The following VEGFB variants were observed in gnomAD, a reference collection of about 807,000 sequenced individuals.
VEGFB encodes the protein vascular endothelial growth factor B.
VEGFB carries 24 observed loss-of-function variants against 22.5 expected under a neutral mutation model. The observed-to-expected ratio is 1.07, with a 90% CI of 0.77 to 1.50. The LOEUF (loss-of-function observed/expected upper bound fraction) is 1.50. Among genes scored for constraint, VEGFB ranks in the 40% most tolerant of loss-of-function variants. VEGFB has a pLI of 0.00. For synonymous variants in VEGFB, 141 were observed against 117.4 expected (o/e 1.20, Z -1.30); for missense variants, 327 against 287.8 (o/e 1.14, Z -0.99).
intron 4 of VEGFB, 145 bp downstream of exon 4, chr11:64,236,472 T>G: frequency 4.1e-6 from 3 of 725,022 alleles, no homozygotes; most frequent in South Asian, 1.7e-5. Flanking sequence ...TCCCAGCACT[T>G]TGGGAGGCCG....
chr11:64,238,451 T>C lies in VEGFB; in HGVS notation c.*118T>C. ...CCCAGTGGGGGAACAAAGAGGAGCC[T>C]GGTAAAAAACAGCCAAGCCCCCAAG... On this transcript the variant is annotated 3_prime_UTR_variant, in exon 7 of 7. Transcript: ENST00000309422. 1 of 1,530,636 alleles carries C rather than the reference T, an allele frequency of 6.5e-7. No homozygotes were observed. The highest frequency in any genetic ancestry group is 1.4e-5 in the African/African-American group (1 of 72,998). 94.8% of individuals were successfully genotyped at this position (1,530,636 alleles called of 1,614,324 possible). A position where few individuals can be genotyped will look rare whatever the true frequency, so the allele number is the denominator to read the frequency against.
intron 4 of VEGFB, 61 bp from the exon 5 acceptor site, chr11:64,237,126 G>GAGAGAGAGGAGATATATA: frequency 1.4e-6 from 1 of 717,060 alleles, no homozygotes; most frequent in East Asian, 5.9e-5. Context: ...AGAGAGAGTA[G>GAGAGAGAGGAGATATATA]GATGCTGGGA....
In VEGFB at chr11:64,234,857, G is replaced by GCTGCTCGCCGCACTC. The variant is rs1208412384; in HGVS notation, c.29_43dup (p.Leu10_Leu14dup). On this transcript the variant is annotated inframe_insertion, in exon 1 of 7. Coordinates refer to ENST00000309422, the MANE Select transcript of VEGFB (RefSeq NM_003377.5). The surrounding 1 kb of genome is among the most constrained non-coding windows in gnomAD (Gnocchi z 5.3). ...CCATGAGCCCTCTGCTCCGCCGCCTGCTGCTCGCCGCACTCCTGCAGCTGG... is the reference window on the plus strand; with the variant it reads ...CCATGAGCCCTCTGCTCCGCCGCCTGCTGCTCGCCGCACTCCTGCTCGCCGCACTCCTGCAGCTGG... 1.6e-6 allele frequency: 2 copies of GCTGCTCGCCGCACTC among 1,289,684 alleles called. No individual in the cohort carries two copies. The highest frequency in any genetic ancestry group is 4.5e-5 in the South Asian group (2 of 43,974). The allele number at this position is 1,289,684 out of a possible 1,614,324, so 79.9% of individuals were successfully genotyped here.
At chr11:64,237,791 A>G (rs1473348465) in intron 6 of VEGFB, 136 bp downstream of exon 6, 3 of 830,524 alleles carry the variant, frequency 3.6e-6, no homozygotes, top group Non-Finnish European at 5.4e-6. Context: ...AATATTTACC[A>G]AACAGCTGCT....
At chr11:64,235,437 C>A (rs2029937825) in intron 1 of VEGFB, 21 bp from the exon 2 acceptor site, 1 of 1,613,390 alleles carries the variant, frequency 6.2e-7, no homozygotes, top group East Asian at 2.2e-5. Context: ...ACCTTGGGTA[C>A]AGGTCTTTTC....
intron 4 of VEGFB, among the ~76,000 whole-genome samples, chr11:64,236,928 CA>C (rs1287273192): frequency 1.4e-5 from 2 of 144,890 alleles, no homozygotes; most frequent in African/African-American, 5.0e-5. Flanking sequence ...AAAAAAAATA[CA>C]AAAATTAGCC....
At chr11:64,237,752 G>A (rs1430959254) in intron 6 of VEGFB, 97 bp downstream of exon 6, 1 of 1,158,256 alleles carries the variant, frequency 8.6e-7, no homozygotes, top group Non-Finnish European at 1.2e-6. Flanking sequence ...GAGGGCCAGG[G>A]AAGGGGAAAC....
Position 64,235,866 on chromosome 11 carries a change from G to A in VEGFB, c.157G>A (p.Val53Met). Residue 53 changes from valine (V) to methionine (M), a missense_variant, in exon 3 of 7, where the codon GTG (valine) becomes ATG (methionine). Transcript: ENST00000309422. ...TRATCQPREV[V>M]VPLTVELMGT... ...CGCTACCTGCCAGCCCCGGGAGGTG[G>A]TGGTGCCCTTGACTGTGGAGCTCAT... 1 of 1,614,012 alleles carries A rather than the reference G, an allele frequency of 6.2e-7. No homozygotes were observed. Among genetic ancestry groups the A allele is most frequent in the South Asian group, 1.1e-5 (1 of 91,088 alleles).
Position 64,237,424 on chromosome 11 carries a change from G to A in VEGFB, c.415G>A (p.Ala139Thr). The change falls in exon 6 of 7, where the codon GCC (alanine) becomes ACC (threonine). Residue 139 changes from alanine (A) to threonine (T), a missense_variant. Ala to Thr is a moderately conservative substitution (Grantham distance 58). Coordinates refer to ENST00000309422, the MANE Select transcript of VEGFB (RefSeq NM_003377.5). Reference protein sequence around the residue: ...KDSAVKPDRAATPHHRPQPRS... With the variant: ...KDSAVKPDRATTPHHRPQPRS... ...CATGTCGCTTCTCCTCCCTAGGGCT[G>A]CCACTCCCCACCACCGTCCCCAGCC... is the stretch of plus-strand genomic sequence containing the variant. 3 of 1,589,202 alleles carry A rather than the reference G, an allele frequency of 1.9e-6. No homozygotes were observed. The highest frequency in any genetic ancestry group is 1.7e-4 in the Middle Eastern group (1 of 5,982).
chr11:64,238,135 G>A (rs2030236881), intron 6 of VEGFB, among the ~76,000 whole-genome samples: 1 of 152,192 alleles, frequency 6.6e-6, no homozygotes, highest in African/African-American at 2.4e-5. Flanking sequence ...AGGCCATGGG[G>A]TGAAATCATA....
At chr11:64,236,905 C>T (rs565888604) in intron 4 of VEGFB, among the ~76,000 whole-genome samples, 128 of 147,520 alleles carry the variant, frequency 8.7e-4, no homozygotes, top group Admixed American at 4.8e-3. Flanking sequence ...ATGGTGAAAC[C>T]CCATCTCTAC....
At position 64,239,029 on chromosome 11, in the gene VEGFB, CTTCACCAGGG is replaced by C; in HGVS notation, c.*700_*709del. Among the ~76,000 whole-genome samples the C allele has an allele frequency of 6.6e-6, 1 of 152,230 alleles. No individual in the cohort carries two copies. The highest frequency in any genetic ancestry group is 1.5e-5 in the Non-Finnish European group (1 of 68,044). ...AATACAGACTGCCTGCCCTCCTGCT[CTTCACCAGGG>C]TTCTTTTCTAGAAGGAGACAGCCTT... On this transcript the variant is annotated 3_prime_UTR_variant, in exon 7 of 7. Transcript: ENST00000309422.
Position 64,237,416 on chromosome 11 carries a change from C to G in VEGFB, c.411-4C>G. On this transcript the variant is annotated splice_region_variant and splice_polypyrimidine_tract_variant and intron_variant, in intron 5 of 6. Coordinates refer to ENST00000309422, the MANE Select transcript of VEGFB (RefSeq NM_003377.5). ...ACCCCAGACATGTCGCTTCTCCTCC[C>G]TAGGGCTGCCACTCCCCACCACCGT... The G allele has an allele frequency of 1.3e-6, 2 of 1,587,138 alleles. No individual in the cohort carries two copies. The highest frequency in any genetic ancestry group is 1.3e-5 in the African/African-American group (1 of 74,490).
intron 6 of VEGFB, among the ~76,000 whole-genome samples, 189 bp from the exon 7 acceptor site, chr11:64,238,167 C>T (rs920442037): frequency 2.6e-5 from 4 of 152,122 alleles, no homozygotes; most frequent in African/African-American, 9.7e-5. Context: ...AGTGGGGGCT[C>T]CCGAGGAGTG....
Position 64,237,126 on chromosome 11 carries a change from G to GAGAGAGAGAGAGAGAGAGAGAGA in VEGFB, c.375-61_375-60insAGAGAGAGAGAGAGAGAGAGAGA. On this transcript the variant is annotated intron_variant, in intron 4 of 6. Coordinates refer to ENST00000309422, the MANE Select transcript of VEGFB (RefSeq NM_003377.5). ...GAGAGAGAGAGAGAGAGAGAGAGTA[G>GAGAGAGAGAGAGAGAGAGAGAGA]GATGCTGGGATTTCCTGATCTTCCT... 21 of 717,552 alleles carry GAGAGAGAGAGAGAGAGAGAGAGA rather than the reference G, an allele frequency of 2.9e-5. 6 individuals carry two copies. The East Asian group carries it at 4.1e-4, about 14-fold the overall frequency. The allele number at this position is 717,552 out of a possible 1,614,324, so 44.4% of individuals were successfully genotyped here. A position where few individuals can be genotyped will look rare whatever the true frequency, so the allele number is the denominator to read the frequency against.
chr11:64,235,282 C>T (rs2029899979), intron 1 of VEGFB, among the ~76,000 whole-genome samples, 176 bp from the exon 2 acceptor site: 2 of 152,198 alleles, frequency 1.3e-5, no homozygotes, highest in South Asian at 4.1e-4. Flanking sequence ...GGGCAGGTCC[C>T]GGGTGGCCAG....
intron 1 of VEGFB, among the ~76,000 whole-genome samples, chr11:64,235,094 C>CCTCCG (rs761303770): frequency 7.9e-4 from 120 of 152,178 alleles, no homozygotes; most frequent in Admixed American, 1.6e-3. Flanking sequence ...TGGGGCCACT[C>CCTCCG]CTCCGCCCCA....
intron 2 of VEGFB, 24 bp downstream of exon 2, chr11:64,235,524 C>G: frequency 6.2e-7 from 1 of 1,612,558 alleles, no homozygotes; most frequent in South Asian, 1.1e-5. Flanking sequence ...AAACTCGGCA[C>G]TAGCCAGCAC....
At chr11:64,238,052 G>A (rs900604519) in intron 6 of VEGFB, among the ~76,000 whole-genome samples, 1 of 152,184 alleles carries the variant, frequency 6.6e-6, no homozygotes, top group African/African-American at 2.4e-5. Context: ...CGGGCTTCAA[G>A]AGGCCAGGGG....
Sources: gnomAD v4.1 joint callset for allele counts (sites outside exome capture counted in the v4.1 genomes callset) on GRCh38, gnomAD v4.1.1 for gene constraint, Gnocchi (gnomAD v3.1) non-coding constraint, MANE v1.5 for transcripts, NCBI Gene and HGNC (gene_info 2026-07-23, HGNC 2026-07-21) for gene names.